The following SAR1A variants were observed in gnomAD, a reference collection of about 807,000 sequenced individuals.
SAR1A encodes the protein small COPII coat GTPase SAR1A.
In SAR1A, 6 loss-of-function variants were observed where a neutral mutation model predicts 22.6. That is an observed-to-expected ratio of 0.27 (90% CI 0.15 to 0.52). SAR1A has a LOEUF of 0.52. Ranked by LOEUF, SAR1A falls within the 20% of genes least tolerant of loss-of-function variation. The probability of loss-of-function intolerance (pLI) is 0.96; values close to 1 mark genes in which losing one functional copy is unlikely to be tolerated. For missense variants in SAR1A, 145 were observed against 245.1 expected (o/e 0.59, Z 2.73); for synonymous variants, 70 against 82.2 (o/e 0.85, Z 0.80).
chr10:70,155,111 A>G (rs2136710494), intron 5 of SAR1A: 2 of 528,062 alleles, frequency 3.8e-6, no homozygotes, highest in Middle Eastern at 3.2e-4. Flanking sequence ...GTGAGAAGTG[A>G]GCTGCAATAT....
intron 5 of SAR1A, among the ~76,000 whole-genome samples, chr10:70,156,622 G>C (rs1158340927): frequency 6.6e-6 from 1 of 151,000 alleles, no homozygotes; most frequent in Admixed American, 6.6e-5. Flanking sequence ...ACAGTGAGCC[G>C]TGATTGCACC....
intron 1 of SAR1A, chr10:70,163,967 G>A: frequency 7.5e-7 from 1 of 1,330,676 alleles, no homozygotes. Flanking sequence ...TGTTTGATAA[G>A]GATGGCAATG....
intron 2 of SAR1A, 43 bp from the exon 3 acceptor site, chr10:70,161,781 C>A: frequency 6.2e-7 from 1 of 1,613,428 alleles, no homozygotes; most frequent in Non-Finnish European, 8.5e-7. Flanking sequence ...TCTCTACAGA[C>A]CAAAGCCTAT....
intron 5 of SAR1A, among the ~76,000 whole-genome samples, chr10:70,154,326 G>GC (rs1249016209): frequency 1.3e-5 from 2 of 152,156 alleles, no homozygotes; most frequent in African/African-American, 2.4e-5. Flanking sequence ...TGGCTACAGA[G>GC]CCTCAAAGAT....
intron 4 of SAR1A, 41 bp downstream of exon 4, chr10:70,160,963 A>C (rs1302752551): frequency 6.7e-7 from 1 of 1,485,638 alleles, no homozygotes; most frequent in Admixed American, 2.0e-5. Flanking sequence ...GCACAAAAAA[A>C]ATAAGTCAAT....
intron 1 of SAR1A, among the ~76,000 whole-genome samples, chr10:70,170,069 C>T (rs1839605503): frequency 6.6e-6 from 1 of 152,152 alleles, no homozygotes; most frequent in Non-Finnish European, 1.5e-5. Context: ...TCCCACCCGC[C>T]TCACCGAGGG....
intron 5 of SAR1A, among the ~76,000 whole-genome samples, chr10:70,155,508 C>A (rs1294656358): frequency 1.3e-5 from 2 of 152,140 alleles, no homozygotes; most frequent in Admixed American, 6.5e-5. Context: ...TAAGCAACAA[C>A]AAAGTACCTA....
intron 3 of SAR1A, 196 bp from the exon 4 acceptor site, chr10:70,161,265 G>A: frequency 1.8e-6 from 1 of 558,742 alleles, no homozygotes; most frequent in South Asian, 2.4e-5. Context: ...GGATTTTTGA[G>A]ACCAGCCCAG....
chr10:70,167,775 T>G lies in SAR1A; in HGVS notation c.-17+2638A>C, dbSNP rs77624432. On this transcript the variant is annotated intron_variant, in intron 1 of 6. Coordinates refer to ENST00000373241, the MANE Select transcript of SAR1A (RefSeq NM_020150.5). The stretch of plus-strand genomic sequence containing the variant: ...AATAAAGTTTGGCAGTTTGGGTGGA[T>G]ACATACTAGGCTCTTACGAAAAAAT... Among the ~76,000 whole-genome samples, 1,316 of 152,326 alleles carry G rather than the reference T, an allele frequency of 8.6e-3. 21 individuals are homozygous for G. The highest frequency in any genetic ancestry group is 0.03 in the African/African-American group (1,267 of 41,566).
rs1295331284 is a variant in SAR1A, at chr10:70,150,842, T to A, written c.*1634A>T. ...TTCAGTACCTGGCAGTGAAAAAGTA[T>A]GCTTTCCCCACAAGTCAGTACTGGA... On this transcript the variant is annotated 3_prime_UTR_variant, in exon 7 of 7. Coordinates refer to ENST00000373241, the MANE Select transcript of SAR1A (RefSeq NM_020150.5). 6.6e-6 allele frequency: 1 copy of A among 152,526 alleles called. No individual in the cohort carries two copies. Among genetic ancestry groups the A allele is most frequent in the Non-Finnish European group, 1.5e-5 (1 of 68,020 alleles). The allele number at this position is 152,526 out of a possible 1,614,324, so 9.4% of individuals were successfully genotyped here. A position where few individuals can be genotyped will look rare whatever the true frequency, so the allele number is the denominator to read the frequency against.
chr10:70,162,610 T>C (rs1839490056), intron 1 of SAR1A: 1 of 152,078 alleles, frequency 6.6e-6, no homozygotes, highest in African/African-American at 2.4e-5. Context: ...AATCCTTATA[T>C]GTGCAAAAAT....
chr10:70,155,153 G>A (rs1839371221), intron 5 of SAR1A: 2 of 509,390 alleles, frequency 3.9e-6, no homozygotes, highest in African/African-American at 1.9e-5. Flanking sequence ...AGAAGTTAGT[G>A]AATAAAATCT....
chr10:70,164,029 A>G (rs1182321374), intron 1 of SAR1A: 1 of 844,392 alleles, frequency 1.2e-6, no homozygotes. Context: ...CTTGGAGTGA[A>G]GTTAACAGAT....
chr10:70,157,679 T>C (rs1227301428), intron 5 of SAR1A, 85 bp downstream of exon 5: 2 of 886,542 alleles, frequency 2.3e-6, no homozygotes, highest in African/African-American at 1.7e-5. Flanking sequence ...TTATTGGCAC[T>C]ACTGAGCTAT....
At chr10:70,167,136 G>A (rs1839564765) in intron 1 of SAR1A, among the ~76,000 whole-genome samples, 1 of 152,060 alleles carries the variant, frequency 6.6e-6, no homozygotes, top group Non-Finnish European at 1.5e-5. Flanking sequence ...CTACTAAAAG[G>A]TTTACATATA....
rs1364915565 is a variant in SAR1A at position 70,157,902 on chromosome 10, A to C, written c.245-35T>G. On this transcript the variant is annotated intron_variant, in intron 4 of 6. Transcript: ENST00000373241. ...AAAGTTTGTAGTTGCATGAGTAAAA[A>C]ATATACATTGTGAAAATGAATAACC... is the stretch of plus-strand genomic sequence containing the variant. 5.0e-6 allele frequency: 7 copies of C among 1,392,150 alleles called. No homozygotes were observed. In the African/African-American group the frequency reaches 1.0e-4, roughly 20 times the overall value. 86.2% of individuals were successfully genotyped at this position (1,392,150 alleles called of 1,614,324 possible). A position where few individuals can be genotyped will look rare whatever the true frequency, so the allele number is the denominator to read the frequency against.
At chr10:70,166,043 T>C (rs957841163) in intron 1 of SAR1A, among the ~76,000 whole-genome samples, 3 of 152,268 alleles carry the variant, frequency 2.0e-5, no homozygotes, top group African/African-American at 7.2e-5. Flanking sequence ...CGATGCTTGT[T>C]AGCATTTTTT....
At chr10:70,169,280 A>C (rs1486351596) in intron 1 of SAR1A, among the ~76,000 whole-genome samples, 3 of 152,070 alleles carry the variant, frequency 2.0e-5, no homozygotes, top group Non-Finnish European at 4.4e-5. Flanking sequence ...AAAAAAAAAA[A>C]CTAAAACTTC....
In SAR1A at chr10:70,150,885, C is replaced by T. The variant is rs1471487494; in HGVS notation, c.*1591G>A. 2.0e-5 allele frequency: 3 copies of T among 152,520 alleles called. No homozygotes were observed. In the South Asian group the frequency reaches 6.2e-4, roughly 32 times the overall value. 9.4% of individuals were successfully genotyped at this position (152,520 alleles called of 1,614,324 possible). On this transcript the variant is annotated 3_prime_UTR_variant, in exon 7 of 7. Coordinates refer to ENST00000373241, the MANE Select transcript of SAR1A (RefSeq NM_020150.5). ...GTACTGGAGAATAAGAATGAGAACT[C>T]CAACTAAAGAACAATGCCTCCCTCA...
Sources: gnomAD v4.1 joint callset for allele counts (sites outside exome capture counted in the v4.1 genomes callset) on GRCh38, gnomAD v4.1.1 for gene constraint, MANE v1.5 for transcripts, NCBI Gene and HGNC (gene_info 2026-07-23, HGNC 2026-07-21) for gene names.